Variants in ARID1B observed in about 807,000 individuals in gnomAD.
The protein encoded by ARID1B is AT-rich interaction domain 1B, also known as AT-rich interactive domain-containing protein 1B.
Under a neutral mutation model 212.3 loss-of-function variants are expected in ARID1B, and 30 were observed. That is an observed-to-expected ratio of 0.14 (90% CI 0.11 to 0.19). The LOEUF is 0.19. ARID1B is among the 10% of genes least tolerant of loss of function. ARID1B has a pLI of 1.00. For missense variants in ARID1B, 2,891 were observed against 3,204.0 expected, an observed-to-expected ratio of 0.90 and a Z score of 2.36; for synonymous variants, 1,402 against 1,301.7, an observed-to-expected ratio of 1.08 and a Z score of -1.66.
At position 156,777,742 on chromosome 6, in the gene ARID1B, G is replaced by A. The variant is rs1029962198; in HGVS notation, c.62G>A (p.Gly21Asp). 2.2e-5 allele frequency: 7 copies of A among 321,416 alleles called. No individual in the cohort carries two copies. Among genetic ancestry groups the A allele is most frequent in the East Asian group, 3.6e-4 (2 of 5,578 alleles). The allele number at this position is 321,416 out of a possible 1,614,324, so 19.9% of individuals were successfully genotyped here. The change falls in exon 1 of 20, where the codon GGC (glycine) becomes GAC (aspartate). Residue 21 changes from glycine (G) to aspartate (D), a missense_variant. Gly to Asp is a moderately conservative substitution (Grantham distance 94). This residue lies in a region of ARID1B where 1,643 missense variants were observed against 1,544.0 expected (regional missense o/e 1.06). Coordinates refer to ENST00000636930, the MANE Select transcript of ARID1B (RefSeq NM_001374828.1). ...AAAARARARA[G>D]SGERRAPPGP... is the part of the protein sequence containing the mutation. Reference sequence around the variant, plus strand: ...GCGGCGCGGGCGCGGGCGCGGGCAGGCAGCGGCGAACGGCGGGCGCCCCCC... The same window carrying A: ...GCGGCGCGGGCGCGGGCGCGGGCAGACAGCGGCGAACGGCGGGCGCCCCCC...
chr6:156,914,051 C>T, intron 3 of ARID1B, among the ~76,000 whole-genome samples: 1 of 137,500 alleles, frequency 7.3e-6, no homozygotes, highest in East Asian at 2.3e-4. Context: ...TCCCGAACTG[C>T]CAGCCCCACC....
chr6:157,005,893 CT>C (rs1779225603), intron 4 of ARID1B, among the ~76,000 whole-genome samples: 1 of 152,092 alleles, frequency 6.6e-6, no homozygotes, highest in South Asian at 2.1e-4. Flanking sequence ...CCATTAATAG[CT>C]TTTGACTTTG....
At position 156,778,268 on chromosome 6, in the gene ARID1B, C is replaced by T. The variant is rs905464015; in HGVS notation, c.588C>T (p.Phe196=). 3.9e-6 allele frequency: 6 copies of T among 1,536,776 alleles called. No homozygotes were observed. The Admixed American group carries it at 9.9e-5, about 25-fold the overall frequency. The change falls in exon 1 of 20, where the codon TTC becomes TTT. Residue 196 remains phenylalanine (F), a synonymous_variant. Coordinates refer to ENST00000636930, the MANE Select transcript of ARID1B (RefSeq NM_001374828.1). The part of the protein sequence containing the change: ...HHALQQQLNQ[F]QQQQQQQQQQ... ...CACTACAGCAGCAGCTAAACCAGTT[C>T]CAGCAGCAGCAGCAGCAGCAGCAAC...
chr6:156,964,108 A>T (rs1490950282), intron 4 of ARID1B, among the ~76,000 whole-genome samples: 3 of 152,242 alleles, frequency 2.0e-5, no homozygotes, highest in Non-Finnish European at 4.4e-5. Context: ...TGTTGTCCCC[A>T]GCCTTCCCCA....
intron 4 of ARID1B, chr6:156,941,676 T>A (rs894737140): frequency 2.0e-5 from 3 of 152,230 alleles, no homozygotes; most frequent in Non-Finnish European, 4.4e-5. Flanking sequence ...ATGCTTGAAC[T>A]TGAACAAGGT....
intron 13 of ARID1B, chr6:157,186,237 ACAG>A (rs1208311527): frequency 1.5e-5 from 5 of 340,202 alleles, no homozygotes; most frequent in Middle Eastern, 1.0e-3. Context: ...TGTTCTCTTA[ACAG>A]CCAGCCGTTC....
intron 4 of ARID1B, among the ~76,000 whole-genome samples, chr6:157,065,665 T>G (rs140195266): frequency 5.4e-4 from 83 of 152,342 alleles, no homozygotes; most frequent in Non-Finnish European, 9.6e-4. Context: ...TTGGACTTCT[T>G]GCTTTTCTGA....
At chr6:157,140,568 GC>G (rs2128608026) in intron 7 of ARID1B, 1 of 398,508 alleles carries the variant, frequency 2.5e-6, no homozygotes, top group East Asian at 3.6e-5. Context: ...TTTCCCTGCA[GC>G]AACCACATGA....
intron 4 of ARID1B, among the ~76,000 whole-genome samples, chr6:156,982,640 A>G (rs1583074742): frequency 6.6e-6 from 1 of 151,726 alleles, no homozygotes; most frequent in East Asian, 1.9e-4. Flanking sequence ...TCTGCGTGGG[A>G]GATAACCTTG....
chr6:156,965,563 A>G (rs1289106500), intron 4 of ARID1B, among the ~76,000 whole-genome samples: 3 of 152,252 alleles, frequency 2.0e-5, no homozygotes, highest in African/African-American at 7.2e-5. Flanking sequence ...AGAGTAGATT[A>G]AACACATATT....
rs569396387 is a variant in ARID1B at position 156,933,804 on chromosome 6, G to A, written c.2137-1662G>A. ...TTTTTGGTGGAGATGTATTTAAAGGGAAGAAGGGCTACATGTGAAAAGCTG... is the reference window on the plus strand; with the variant it reads ...TTTTTGGTGGAGATGTATTTAAAGGAAAGAAGGGCTACATGTGAAAAGCTG... On this transcript the variant is annotated intron_variant, in intron 3 of 19. Coordinates refer to ENST00000636930, the MANE Select transcript of ARID1B (RefSeq NM_001374828.1). 2.5e-4 allele frequency among the ~76,000 whole-genome samples: 38 copies of A among 152,258 alleles called. No individual in the cohort carries two copies. The South Asian group carries it at 7.1e-3, about 28-fold the overall frequency.
intron 2 of ARID1B, among the ~76,000 whole-genome samples, chr6:156,848,774 G>A (rs287896): frequency 0.15 from 22,412 of 152,118 alleles, 1,834 homozygotes; most frequent in Middle Eastern, 0.2. Context: ...GGGAGGTGCC[G>A]GGGGGCCTTC....
intron 4 of ARID1B, among the ~76,000 whole-genome samples, chr6:156,945,103 T>A (rs549699607): frequency 0.023 from 3,335 of 145,536 alleles, 50 homozygotes; most frequent in Non-Finnish European, 0.033. Context: ...TTTTGTATAT[T>A]TTTTTTTTTT....
chr6:157,143,501 TA>T (rs1789518641), intron 7 of ARID1B, among the ~76,000 whole-genome samples: 1 of 151,698 alleles, frequency 6.6e-6, no homozygotes, highest in Admixed American at 6.6e-5. Flanking sequence ...GGGGTGATGT[TA>T]GTGATGTTGT....
rs372828148 is a variant in ARID1B, at chr6:157,183,875, C to CT, written c.3715-353dup. Reference sequence around the variant, plus strand: ...GGGCTTGCAGCTGCTGGAATGAGCACTTTCACATCAGTGCCCAAAAACCTA... The same window carrying CT: ...GGGCTTGCAGCTGCTGGAATGAGCACTTTTCACATCAGTGCCCAAAAACCTA... On this transcript the variant is annotated intron_variant, in intron 12 of 19. Coordinates refer to ENST00000636930, the MANE Select transcript of ARID1B (RefSeq NM_001374828.1). Among the ~76,000 whole-genome samples, 450 of 152,330 alleles carry CT rather than the reference C, an allele frequency of 3.0e-3. 2 individuals are homozygous for CT. The highest frequency in any genetic ancestry group is 0.01 in the African/African-American group (430 of 41,582).
intron 4 of ARID1B, among the ~76,000 whole-genome samples, chr6:156,952,040 T>G (rs1417830918): frequency 1.3e-5 from 2 of 152,222 alleles, no homozygotes; most frequent in African/African-American, 4.8e-5. Context: ...TTCACAATAA[T>G]TTTTAAAAAT....
chr6:157,139,301 G>GC (rs1789170721), intron 7 of ARID1B, among the ~76,000 whole-genome samples: 2 of 152,112 alleles, frequency 1.3e-5, no homozygotes, highest in Admixed American at 1.3e-4. Context: ...ACCTAGAGAG[G>GC]CAGGGTGTGG....
intron 4 of ARID1B, among the ~76,000 whole-genome samples, chr6:156,983,529 A>C (rs560159172): frequency 6.6e-6 from 1 of 152,286 alleles, no homozygotes; most frequent in South Asian, 2.1e-4. Flanking sequence ...TCATGTTGAT[A>C]TGTGAAATAT....
chr6:157,031,903 G>A (rs1781037002), intron 4 of ARID1B, among the ~76,000 whole-genome samples: 1 of 151,804 alleles, frequency 6.6e-6, no homozygotes, highest in Non-Finnish European at 1.5e-5. Context: ...CTGTTCTCCT[G>A]CCTCAGCCTC....
Sources: allele counts gnomAD v4.1 joint callset (sites outside exome capture counted in the v4.1 genomes callset), GRCh38; gene constraint gnomAD v4.1.1; regional missense constraint gnomAD v4.1.1; transcripts MANE v1.5; gene names NCBI Gene and HGNC (gene_info 2026-07-23, HGNC 2026-07-21).